Variants in CCDC171 observed in about 807,000 individuals in gnomAD.
CCDC171 encodes coiled-coil domain-containing protein 171.
CCDC171 carries 177 observed loss-of-function variants against 168.2 expected under a neutral mutation model. The ratio of observed to expected loss-of-function variants is 1.05; its 90% CI spans 0.93 to 1.19. The LOEUF (loss-of-function observed/expected upper bound fraction) is 1.19, where lower values mean the gene tolerates loss of function less well. CCDC171 is among the 50% of genes most tolerant of loss of function. CCDC171 has a pLI of 0.00. For missense variants in CCDC171, 1,991 were observed against 1,539.0 expected, an observed-to-expected ratio of 1.29 and a Z score of -4.91; for synonymous variants, 687 against 540.8, an observed-to-expected ratio of 1.27 and a Z score of -3.75.
At chr9:15,789,856 G>GT (rs1371315478) in intron 21 of CCDC171, among the ~76,000 whole-genome samples, 1 of 150,380 alleles carries the variant, frequency 6.6e-6, no homozygotes, top group Non-Finnish European at 1.5e-5. Context: ...GCGGTGTTTG[G>GT]TTTTTTGTCC....
intron 24 of CCDC171, among the ~76,000 whole-genome samples, chr9:15,893,966 T>TA (rs1220694573): frequency 1.3e-5 from 2 of 152,148 alleles, no homozygotes; most frequent in Non-Finnish European, 2.9e-5. Context: ...GTTATAATGA[T>TA]ACATGCACAC....
intron 18 of CCDC171, among the ~76,000 whole-genome samples, chr9:15,763,328 A>G (rs1252003202): frequency 6.6e-6 from 1 of 152,210 alleles, no homozygotes; most frequent in African/African-American, 2.4e-5. Flanking sequence ...TATAAGCATG[A>G]TTGAATGGAT....
chr9:15,935,806 G>T (rs528294773), intron 25 of CCDC171, among the ~76,000 whole-genome samples: 1 of 151,998 alleles, frequency 6.6e-6, no homozygotes, highest in African/African-American at 2.4e-5. Flanking sequence ...GAAAATTATA[G>T]TAATTTGATT....
intron 25 of CCDC171, among the ~76,000 whole-genome samples, chr9:15,923,094 T>C (rs932177033): frequency 2.0e-5 from 3 of 151,460 alleles, no homozygotes; most frequent in African/African-American, 2.4e-5. Flanking sequence ...TTTGGTTGTA[T>C]TGCATATAAT....
the CCDC171 span, among the ~76,000 whole-genome samples, chr9:16,108,566 C>T: frequency 1.3e-5 from 2 of 152,130 alleles, no homozygotes. Flanking sequence ...AGTGAGCAGA[C>T]TTAGAATAGG....
chr9:15,954,294 T>A (rs1282312975), intron 25 of CCDC171, among the ~76,000 whole-genome samples: 1 of 152,078 alleles, frequency 6.6e-6, no homozygotes, highest in East Asian at 1.9e-4. Flanking sequence ...CTTTCTTGTT[T>A]CTTAATGTAA....
downstream of CCDC171, among the ~76,000 whole-genome samples, chr9:15,978,007 A>G (rs1564097236): frequency 2.0e-5 from 3 of 152,120 alleles, no homozygotes; most frequent in African/African-American, 4.8e-5. Context: ...ACCAAAATAC[A>G]TTTTCTTTTT....
chr9:15,944,423 G>T (rs1480052973), intron 25 of CCDC171, among the ~76,000 whole-genome samples: 1 of 152,006 alleles, frequency 6.6e-6, no homozygotes, highest in Non-Finnish European at 1.5e-5. Context: ...GAAAGGATGG[G>T]GAGGAGGAGA....
At chr9:16,064,361 G>T (rs1833969028), downstream of CCDC171, among the ~76,000 whole-genome samples, 1 of 152,178 alleles carries the variant, frequency 6.6e-6, no homozygotes, top group South Asian at 2.1e-4. Context: ...TAGACAGTGT[G>T]TCTGCGAGAG....
intron 6 of CCDC171, among the ~76,000 whole-genome samples, chr9:15,616,928 A>G (rs561625856): frequency 9.8e-5 from 15 of 152,294 alleles, no homozygotes; most frequent in South Asian, 2.1e-4. Flanking sequence ...TTGGCTCATC[A>G]TTCTGTATGC....
intron 24 of CCDC171, chr9:15,875,635 A>G (rs1372245035): frequency 6.6e-6 from 1 of 151,926 alleles, no homozygotes; most frequent in Non-Finnish European, 1.5e-5. Context: ...AATCTTTTTC[A>G]TTTTAGTTTA....
chr9:15,765,487 A>C (rs759810987), intron 18 of CCDC171, among the ~76,000 whole-genome samples: 1 of 152,198 alleles, frequency 6.6e-6, no homozygotes, highest in Non-Finnish European at 1.5e-5. Context: ...CAGTTCAGGC[A>C]TTGTAACAGG....
At chr9:15,984,767 C>T (rs892595697) in intron 3 of CCDC171, among the ~76,000 whole-genome samples, 33 of 151,994 alleles carry the variant, frequency 2.2e-4, no homozygotes, top group African/African-American at 7.7e-4. Context: ...TATAAATTTT[C>T]CAGTCACAGA....
chr9:15,623,475 G>GCGCGCGCGCT lies in CCDC171; in HGVS notation c.822+63_822+64insGCGCGCGCTC. 1.9e-5 allele frequency: 6 copies of GCGCGCGCGCT among 311,462 alleles called. 1 individual carries two copies. In the South Asian group the frequency reaches 3.4e-4, roughly 18 times the overall value. The allele number at this position is 311,462 out of a possible 1,614,324, so 19.3% of individuals were successfully genotyped here. ...CAAACTTTCACATATGCGCGCGCGC[G>GCGCGCGCGCT]CACACACACACACACACACACACAC... On this transcript the variant is annotated intron_variant, in intron 7 of 25. Transcript: ENST00000380701.
At chr9:15,677,402 T>C (rs1281746107) in intron 9 of CCDC171, among the ~76,000 whole-genome samples, 1 of 152,062 alleles carries the variant, frequency 6.6e-6, no homozygotes, top group African/African-American at 2.4e-5. Context: ...CCAGAGAAAA[T>C]AATGTTGATT....
At chr9:15,928,917 C>T (rs1826191604) in intron 25 of CCDC171, among the ~76,000 whole-genome samples, 1 of 151,638 alleles carries the variant, frequency 6.6e-6, no homozygotes, top group South Asian at 2.1e-4. Flanking sequence ...CTCATACCTT[C>T]TTTCTAGAAT....
At position 15,727,747 on chromosome 9, in the gene CCDC171, G is replaced by C; in HGVS notation, c.1693-122G>C. On this transcript the variant is annotated intron_variant, in intron 14 of 25. Coordinates refer to ENST00000380701, the MANE Select transcript of CCDC171 (RefSeq NM_173550.4). ...AAAAAAAGTCATTAAAATATTCTGA[G>C]ACTTGAGTATTGTAATTCCTTTTCA... The C allele has an allele frequency of 7.8e-6, 5 of 639,264 alleles. No homozygotes were observed. In the South Asian group the frequency reaches 1.1e-4, roughly 14 times the overall value. The allele number at this position is 639,264 out of a possible 1,614,324, so 39.6% of individuals were successfully genotyped here. A position where few individuals can be genotyped will look rare whatever the true frequency, so the allele number is the denominator to read the frequency against.
the CCDC171 span, among the ~76,000 whole-genome samples, chr9:16,078,053 C>A: frequency 1.6e-5 from 2 of 125,134 alleles, no homozygotes; most frequent in Non-Finnish European, 3.2e-5. Flanking sequence ...TACACCCATG[C>A]AAACACACAC....
At chr9:15,922,267 T>G in intron 25 of CCDC171, 1 of 245,026 alleles carries the variant, frequency 4.1e-6, no homozygotes, top group Non-Finnish European at 9.3e-6. Context: ...TCCTGTCTTT[T>G]CCCTTAGTTG....
Sources: allele counts gnomAD v4.1 joint callset (sites outside exome capture counted in the v4.1 genomes callset), GRCh38; gene constraint gnomAD v4.1.1; transcripts MANE v1.5; gene names NCBI Gene and HGNC (gene_info 2026-07-23, HGNC 2026-07-21).